Variants in TSPAN15 observed in about 807,000 individuals in gnomAD.
TSPAN15 encodes the protein tetraspanin-15.
TSPAN15 carries 20 observed loss-of-function variants against 34.5 expected under a neutral mutation model. That is an observed-to-expected ratio of 0.58 (90% CI 0.41 to 0.84). TSPAN15 has a LOEUF of 0.84. Among genes scored for constraint, TSPAN15 ranks in the 40% least tolerant of loss-of-function variants. The probability of loss-of-function intolerance (pLI) is 0.00; values close to 1 mark genes in which losing one functional copy is unlikely to be tolerated. For missense variants in TSPAN15, 313 were observed against 386.1 expected (o/e 0.81, Z 1.59); for synonymous variants, 155 against 153.9 (o/e 1.01, Z -0.05).
intron 1 of TSPAN15, among the ~76,000 whole-genome samples, chr10:69,458,465 T>C (rs553006910): frequency 6.6e-6 from 1 of 152,356 alleles, no homozygotes; most frequent in East Asian, 1.9e-4. Flanking sequence ...ATTTCTTTAA[T>C]TATCTTTCTT....
chr10:69,512,810 A>C, the TSPAN15 span, among the ~76,000 whole-genome samples: 1 of 152,218 alleles, frequency 6.6e-6, no homozygotes, highest in Non-Finnish European at 1.5e-5. Flanking sequence ...GTATGGATAC[A>C]CCATGGTTTA....
At chr10:69,459,757 A>C (rs1841202446) in intron 1 of TSPAN15, among the ~76,000 whole-genome samples, 1 of 151,898 alleles carries the variant, frequency 6.6e-6, no homozygotes, top group South Asian at 2.1e-4. Flanking sequence ...GGTGTTGGCT[A>C]TTCTGTGTGA....
chr10:69,487,686 A>G (rs747948844), intron 3 of TSPAN15, among the ~76,000 whole-genome samples: 8 of 152,348 alleles, frequency 5.3e-5, no homozygotes, highest in Admixed American at 2.0e-4. Context: ...GTCATTTTCC[A>G]GTGCCCTGTA....
At chr10:69,500,315 A>G (rs985824441) in intron 5 of TSPAN15, among the ~76,000 whole-genome samples, 1 of 152,152 alleles carries the variant, frequency 6.6e-6, no homozygotes, top group East Asian at 1.9e-4. Flanking sequence ...CCAGGCCTTC[A>G]CACTCCCACC....
intron 6 of TSPAN15, chr10:69,505,883 C>T (rs1022851604): frequency 2.2e-5 from 9 of 412,678 alleles, no homozygotes; most frequent in East Asian, 3.5e-5. Flanking sequence ...GTCCCTCAGC[C>T]GCCAACCTCG....
At chr10:69,525,343 G>T in the TSPAN15 span, among the ~76,000 whole-genome samples, 14 of 147,590 alleles carry the variant, frequency 9.5e-5, 2 homozygotes, top group African/African-American at 3.4e-4. Flanking sequence ...TAGACATAAA[G>T]ATTTTTTTTT....
At chr10:69,509,384 G>A (rs146505704), downstream of TSPAN15, among the ~76,000 whole-genome samples, 914 of 151,958 alleles carry the variant, frequency 6.0e-3, 12 homozygotes, top group African/African-American at 0.021. Flanking sequence ...TATTTTTTTT[G>A]AGAAGTGTGT....
At chr10:69,492,185 A>G in intron 3 of TSPAN15, among the ~76,000 whole-genome samples, 1 of 151,942 alleles carries the variant, frequency 6.6e-6, no homozygotes, top group East Asian at 1.9e-4. Flanking sequence ...GGCACTGGGT[A>G]TGTTGGGCAT....
At chr10:69,536,697 G>A in the TSPAN15 span, among the ~76,000 whole-genome samples, 42 of 152,098 alleles carry the variant, frequency 2.8e-4, no homozygotes, top group South Asian at 3.9e-3. Context: ...TAAGAACACC[G>A]GTCCTGGTCG....
Position 69,485,289 on chromosome 10 carries a change from G to A in TSPAN15, c.357+74G>A, listed in dbSNP as rs1470186175. ...TGTGGGTGCCTTGGGCTAACTGGGG[G>A]TATGGCAGTGAGCAGGGCAGATAAC... On this transcript the variant is annotated intron_variant, in intron 3 of 7. Transcript: ENST00000373290. The A allele has an allele frequency of 3.1e-6, 4 of 1,270,126 alleles. No homozygotes were observed. In the African/African-American group the frequency reaches 4.4e-5, roughly 14 times the overall value. 78.7% of individuals were successfully genotyped at this position (1,270,126 alleles called of 1,614,324 possible).
intron 1 of TSPAN15, among the ~76,000 whole-genome samples, chr10:69,471,314 G>A (rs1346629624): frequency 6.6e-6 from 1 of 151,782 alleles, no homozygotes; most frequent in Admixed American, 6.6e-5. Flanking sequence ...GACTCCCACT[G>A]CCACTCTCTT....
intron 5 of TSPAN15, among the ~76,000 whole-genome samples, chr10:69,501,605 C>G (rs145507769): frequency 1.5e-3 from 229 of 152,252 alleles, no homozygotes; most frequent in Middle Eastern, 3.4e-3. Context: ...GATAGGAGGC[C>G]TAGATGATGG....
chr10:69,461,147 CTT>C (rs1251640774), intron 1 of TSPAN15, among the ~76,000 whole-genome samples: 4 of 152,178 alleles, frequency 2.6e-5, no homozygotes, highest in Non-Finnish European at 5.9e-5. Context: ...TGCTTCATCT[CTT>C]TGCATTCTCA....
the TSPAN15 span, among the ~76,000 whole-genome samples, chr10:69,515,099 C>G: frequency 2.6e-5 from 4 of 152,212 alleles, no homozygotes; most frequent in Non-Finnish European, 4.4e-5. Flanking sequence ...CACATGTGGC[C>G]AGTTGATCAT....
intron 1 of TSPAN15, among the ~76,000 whole-genome samples, chr10:69,474,972 G>A (rs1477711129): frequency 2.0e-5 from 3 of 152,154 alleles, no homozygotes; most frequent in Non-Finnish European, 4.4e-5. Context: ...GGTCCACCCA[G>A]GGCTGAGATC....
downstream of TSPAN15, among the ~76,000 whole-genome samples, chr10:69,508,533 C>T (rs1238357): frequency 0.52 from 77,595 of 149,784 alleles, 20,682 homozygotes; most frequent in African/African-American, 0.63. Flanking sequence ...GAACCATCTA[C>T]ACACCCAGTA....
chr10:69,482,975 T>G (rs1665580), intron 1 of TSPAN15, among the ~76,000 whole-genome samples: 87,947 of 143,808 alleles, frequency 0.61, 26,128 homozygotes, highest in African/African-American at 0.71. Flanking sequence ...ATTTTTTTTT[T>G]TTGTTGTTGT....
chr10:69,539,527 AAGAAGAAGAAGGAGAAGGAGAAGG>A, the TSPAN15 span, among the ~76,000 whole-genome samples: 7 of 91,334 alleles, frequency 7.7e-5, no homozygotes, highest in Non-Finnish European at 1.7e-4. Flanking sequence ...GAAGAAGAAG[AAGAAGAAGAAGGAGAAGGAGAAGG>A]AGAAGGAGAA....
chr10:69,530,486 A>C, the TSPAN15 span, among the ~76,000 whole-genome samples: 1 of 147,610 alleles, frequency 6.8e-6, no homozygotes, highest in Non-Finnish European at 1.5e-5. Flanking sequence ...AAATGGCCTA[A>C]AAAATTATAG....
Sources: allele counts gnomAD v4.1 joint callset (sites outside exome capture counted in the v4.1 genomes callset), GRCh38; gene constraint gnomAD v4.1.1; transcripts MANE v1.5; gene names NCBI Gene and HGNC (gene_info 2026-07-23, HGNC 2026-07-21).